TNR: variants seen among roughly 807,000 people sequenced by gnomAD.
TNR encodes the protein tenascin R.
Under a neutral mutation model 150.4 loss-of-function variants are expected in TNR, and 45 were observed. The observed-to-expected ratio is 0.30, with a 90% CI of 0.24 to 0.38. TNR has a LOEUF of 0.38. TNR is among the 10% of genes least tolerant of loss of function. The probability of loss-of-function intolerance (pLI) is 1.00; values close to 1 mark genes in which losing one functional copy is unlikely to be tolerated. For synonymous variants in TNR, 687 were observed against 678.4 expected (o/e 1.01, Z -0.20); for missense variants, 1,544 against 1,759.1 (o/e 0.88, Z 2.19).
chr1:175,535,351 T>C (rs935286595), intron 1 of TNR, among the ~76,000 whole-genome samples: 4 of 152,372 alleles, frequency 2.6e-5, no homozygotes, highest in South Asian at 2.1e-4. Flanking sequence ...TAAACTACTA[T>C]ACCAAATGTT....
In TNR at chr1:175,599,426, C is replaced by T. The variant is rs1245009359; in HGVS notation, c.-164-71057G>A. Among the ~76,000 whole-genome samples, 1 of 152,216 alleles carries T rather than the reference C, an allele frequency of 6.6e-6. No individual in the cohort carries two copies. The highest frequency in any genetic ancestry group is 6.5e-5 in the Admixed American group (1 of 15,294). On this transcript the variant is annotated intron_variant, in intron 1 of 22. Coordinates refer to ENST00000367674, the MANE Select transcript of TNR (RefSeq NM_003285.3). The surrounding 1 kb of genome is among the most constrained non-coding windows in gnomAD (Gnocchi z 4.7). Reference sequence around the variant, plus strand: ...AGCTGTGTTCGTGTTGTCATGGCGACGGAAGCAGACCATTAGAGCATTACG... The same window carrying T: ...AGCTGTGTTCGTGTTGTCATGGCGATGGAAGCAGACCATTAGAGCATTACG...
intron 1 of TNR, among the ~76,000 whole-genome samples, chr1:175,548,772 T>A (rs1333262403): frequency 6.6e-6 from 1 of 152,136 alleles, no homozygotes; most frequent in Non-Finnish European, 1.5e-5. Flanking sequence ...TGGTTACATC[T>A]CACTTGATTA....
At chr1:175,475,510 T>A (rs1340974774) in intron 2 of TNR, among the ~76,000 whole-genome samples, 1 of 152,234 alleles carries the variant, frequency 6.6e-6, no homozygotes, top group Non-Finnish European at 1.5e-5. Context: ...TCTGGCTTTA[T>A]TTCCTATTGT....
chr1:175,619,147 G>A (rs1369439129), intron 1 of TNR, among the ~76,000 whole-genome samples: 3 of 152,116 alleles, frequency 2.0e-5, no homozygotes, highest in African/African-American at 4.8e-5. Flanking sequence ...CTCTATCACG[G>A]TCTACTCCTC....
chr1:175,517,012 TGA>T (rs58416273), intron 2 of TNR, among the ~76,000 whole-genome samples: 5,731 of 120,242 alleles, frequency 0.048, 93 homozygotes, highest in South Asian at 0.093. Context: ...ATCTGAAAGC[TGA>T]GAGAGAGAGA....
intron 1 of TNR, among the ~76,000 whole-genome samples, chr1:175,709,203 C>G (rs1465248107): frequency 6.6e-6 from 1 of 151,874 alleles, no homozygotes; most frequent in Non-Finnish European, 1.5e-5. Flanking sequence ...GGAGGGATGC[C>G]AAAAGGACTC....
At chr1:175,618,051 A>C (rs1663837813) in intron 1 of TNR, among the ~76,000 whole-genome samples, 1 of 152,172 alleles carries the variant, frequency 6.6e-6, no homozygotes, top group Non-Finnish European at 1.5e-5. Flanking sequence ...TTTGTTACTT[A>C]ATTGGGAGGG....
At chr1:175,335,892 T>G in intron 19 of TNR, 85 bp from the exon 20 acceptor site, 2 of 1,197,812 alleles carry the variant, frequency 1.7e-6, no homozygotes, top group South Asian at 2.7e-5. Context: ...CTGTGATAAG[T>G]AAAATTGATA....
At chr1:175,582,752 T>C (rs959418680) in intron 1 of TNR, among the ~76,000 whole-genome samples, 1 of 152,118 alleles carries the variant, frequency 6.6e-6, no homozygotes, top group Non-Finnish European at 1.5e-5. Flanking sequence ...CCAAAACTCA[T>C]GTTGAAATTT....
chr1:175,358,298 C>T (rs563402585), intron 15 of TNR, among the ~76,000 whole-genome samples: 1 of 152,256 alleles, frequency 6.6e-6, no homozygotes, highest in African/African-American at 2.4e-5. Context: ...TGTATTTTTC[C>T]ATGTTAACTA....
intron 9 of TNR, among the ~76,000 whole-genome samples, chr1:175,369,697 G>A (rs1379274807): frequency 1.3e-5 from 2 of 152,164 alleles, no homozygotes; most frequent in African/African-American, 4.8e-5. Flanking sequence ...AGAGTTCAGG[G>A]CTTTTAGGAG....
chr1:175,542,447 C>A (rs995233512), intron 1 of TNR, among the ~76,000 whole-genome samples: 1 of 152,158 alleles, frequency 6.6e-6, no homozygotes, highest in Non-Finnish European at 1.5e-5. Context: ...GACTGGCATA[C>A]AATGAGTCCT....
chr1:175,629,287 A>G (rs545944787), intron 1 of TNR, among the ~76,000 whole-genome samples: 3 of 152,332 alleles, frequency 2.0e-5, no homozygotes, highest in East Asian at 3.9e-4. Flanking sequence ...AGGGGAAACC[A>G]GATTGTTTTA....
intron 18 of TNR, among the ~76,000 whole-genome samples, chr1:175,352,919 G>A (rs960183498): frequency 6.6e-6 from 1 of 152,162 alleles, no homozygotes; most frequent in African/African-American, 2.4e-5. Flanking sequence ...TGGTGGGGCT[G>A]GGGGACTTTC....
At chr1:175,696,205 A>G (rs76112983) in intron 1 of TNR, among the ~76,000 whole-genome samples, 3,617 of 135,602 alleles carry the variant, frequency 0.027, 151 homozygotes, top group African/African-American at 0.096. Flanking sequence ...CCATTAAATG[A>G]GCCTTCCTGT....
intron 1 of TNR, among the ~76,000 whole-genome samples, chr1:175,667,094 C>G (rs1665551998): frequency 6.6e-6 from 1 of 152,128 alleles, no homozygotes; most frequent in African/African-American, 2.4e-5. Context: ...TCCTGAATGA[C>G]CTTCCTCATC....
chr1:175,337,494 G>A (rs764124209), intron 19 of TNR, 34 bp downstream of exon 19: 95 of 1,611,346 alleles, frequency 5.9e-5, no homozygotes, highest in Non-Finnish European at 7.0e-5. Flanking sequence ...CACTGAGGAC[G>A]CTTCTGTGCA....
At chr1:175,617,671 C>T (rs779551136) in intron 1 of TNR, among the ~76,000 whole-genome samples, 2 of 152,116 alleles carry the variant, frequency 1.3e-5, no homozygotes, top group African/African-American at 4.8e-5. Context: ...TTTGTTTGTG[C>T]GTTAAAGTCT....
In TNR at chr1:175,398,296, G is replaced by C. The variant is rs147660395; in HGVS notation, c.977-1489C>G. Among the ~76,000 whole-genome samples, 149 of 152,276 alleles carry C rather than the reference G, an allele frequency of 9.8e-4. 1 individual carries two copies. Among genetic ancestry groups the C allele is most frequent in the African/African-American group, 3.5e-3 (144 of 41,564 alleles). ...ACCATTCATTGAATAAAACAGTCTA[G>C]AAAGCAGAGCTTCTTGAGGATGGCA... is the stretch of plus-strand genomic sequence containing the variant. On this transcript the variant is annotated intron_variant, in intron 4 of 22. Transcript: ENST00000367674.
Sources: allele counts gnomAD v4.1 joint callset (sites outside exome capture counted in the v4.1 genomes callset), GRCh38; gene constraint gnomAD v4.1.1; non-coding constraint Gnocchi (gnomAD v3.1); transcripts MANE v1.5; gene names NCBI Gene and HGNC (gene_info 2026-07-23, HGNC 2026-07-21).